The following USH1C variants were observed in gnomAD, a reference collection of about 807,000 sequenced individuals.
USH1C encodes the protein harmonin.
Under a neutral mutation model 119.3 loss-of-function variants are expected in USH1C, and 90 were observed. The ratio of observed to expected loss-of-function variants is 0.75; its 90% CI spans 0.64 to 0.90. The LOEUF is 0.90. Among genes scored for constraint, USH1C ranks in the 40% least tolerant of loss-of-function variants. The probability of loss-of-function intolerance (pLI) is 0.00; values close to 1 mark genes in which losing one functional copy is unlikely to be tolerated. For missense variants in USH1C, 1,165 were observed against 1,167.7 expected, an observed-to-expected ratio of 1.00 and a Z score of 0.03; for synonymous variants, 465 against 443.3, an observed-to-expected ratio of 1.05 and a Z score of -0.62.
Position 17,524,449 on chromosome 11 carries a change from A to T in USH1C, c.759+2T>A. 2 of 1,569,288 alleles carry T rather than the reference A, an allele frequency of 1.3e-6. No individual in the cohort carries two copies. Among genetic ancestry groups the T allele is most frequent in the Non-Finnish European group, 1.7e-6 (2 of 1,155,872 alleles). On this transcript the variant is annotated splice_donor_variant, in intron 9 of 26. Coordinates refer to ENST00000005226, the MANE Select transcript of USH1C (RefSeq NM_153676.4). LOFTEE classifies it high-confidence loss of function. The stretch of plus-strand genomic sequence containing the variant: ...CACTGGGGCCGGCCCAGCGTCACTC[A>T]CCTCCAATCCCACCTCAGCAGACAG...
intron 20 of USH1C, 112 bp from the exon 21 acceptor site, chr11:17,502,092 G>T (rs551086775): frequency 9.1e-7 from 1 of 1,104,590 alleles, no homozygotes; most frequent in Non-Finnish European, 1.3e-6. Flanking sequence ...GAGGGGTAGG[G>T]CGGGAGAAGG....
In USH1C at chr11:17,526,770, A is replaced by C. The variant is rs750134316; in HGVS notation, c.562T>G (p.Phe188Val). ...GCCCTTACCCCAGATTCCGACACAA[A>C]CTGATCCACATACTGCCAAGTGAGG... ...EPLTWQYVDQ[F>V]VSESGGVRGS... is the part of the protein sequence containing the mutation. The change falls in exon 7 of 27, where the codon TTT (phenylalanine) becomes GTT (valine). Residue 188 changes from phenylalanine to valine, a missense_variant. By Grantham distance (50) the Phe-to-Val change is conservative. Coordinates refer to ENST00000005226, the MANE Select transcript of USH1C (RefSeq NM_153676.4). 6.2e-7 allele frequency: 1 copy of C among 1,614,076 alleles called. No individual in the cohort carries two copies. The highest frequency in any genetic ancestry group is 1.1e-5 in the South Asian group (1 of 91,058).
At chr11:17,507,585 G>C (rs1849700427) in intron 18 of USH1C, among the ~76,000 whole-genome samples, 1 of 152,196 alleles carries the variant, frequency 6.6e-6, no homozygotes, top group Non-Finnish European at 1.5e-5. Flanking sequence ...TGCCACTCTT[G>C]CCATTCTTAA....
At chr11:17,512,654 T>C (rs994641788) in intron 15 of USH1C, among the ~76,000 whole-genome samples, 5 of 152,134 alleles carry the variant, frequency 3.3e-5, no homozygotes, top group Non-Finnish European at 5.9e-5. Flanking sequence ...CACTGAGACC[T>C]GGGGGCTCAG....
chr11:17,533,197 G>A (rs975261053), intron 2 of USH1C, 58 bp downstream of exon 2: 2 of 1,365,814 alleles, frequency 1.5e-6, no homozygotes, highest in Admixed American at 1.7e-5. Context: ...CCATCCCAGG[G>A]CTCCCTGAAG....
At chr11:17,522,582 G>T (rs1199509904) in intron 12 of USH1C, among the ~76,000 whole-genome samples, 1 of 152,192 alleles carries the variant, frequency 6.6e-6, no homozygotes, top group East Asian at 1.9e-4. Flanking sequence ...AGGGGGCTCT[G>T]CTCAGCAAGG....
At chr11:17,540,119 G>A (rs185019086) in intron 1 of USH1C, among the ~76,000 whole-genome samples, 8 of 152,114 alleles carry the variant, frequency 5.3e-5, no homozygotes, top group South Asian at 2.1e-4. Flanking sequence ...GGCGTGAGCC[G>A]CCACACCTGA....
intron 20 of USH1C, 149 bp downstream of exon 20, chr11:17,504,496 CAA>C (rs1407398785): frequency 6.0e-6 from 5 of 832,840 alleles, no homozygotes; most frequent in Non-Finnish European, 1.0e-5. Context: ...CCTGCGCAGG[CAA>C]TGGAGGACAC....
intron 20 of USH1C, 48 bp from the exon 21 acceptor site, chr11:17,502,028 G>A: frequency 6.3e-7 from 1 of 1,599,244 alleles, no homozygotes; most frequent in South Asian, 1.1e-5. Flanking sequence ...AGGGTCTTGA[G>A]GGTCAGAGCC....
Position 17,509,484 on chromosome 11 carries a change from C to T in USH1C, c.1885G>A (p.Ala629Thr). ...TRPLPSALEE[A>T]LSNHPFRTGD... ...GTGCGGAAGGGATGGTTGCTCAGTG[C>T]TTCTTCCAGCGCCGAGGGCAGTGGG... The change falls in exon 18 of 27, where the codon GCA (alanine) becomes ACA (threonine). Residue 629 changes from alanine to threonine, a missense_variant. Ala to Thr is a moderately conservative substitution (Grantham distance 58). Coordinates refer to ENST00000005226, the MANE Select transcript of USH1C (RefSeq NM_153676.4). The T allele has an allele frequency of 6.4e-7, 1 of 1,558,650 alleles. No homozygotes were observed. The highest frequency in any genetic ancestry group is 8.7e-7 in the Non-Finnish European group (1 of 1,149,196).
At chr11:17,517,318 C>G in intron 14 of USH1C, 1 of 1,400,558 alleles carries the variant, frequency 7.1e-7, no homozygotes, top group East Asian at 2.5e-5. Context: ...GCCCCTGAAG[C>G]TGGGTGTCTG....
chr11:17,543,679 G>A (rs1851569318), intron 1 of USH1C, among the ~76,000 whole-genome samples: 1 of 152,190 alleles, frequency 6.6e-6, no homozygotes, highest in African/African-American at 2.4e-5. Flanking sequence ...GCCGGCCAGA[G>A]CCCAGCTCCG....
At position 17,527,060 on chromosome 11, in the gene USH1C, G is replaced by A. The variant is rs916763747; in HGVS notation, c.497-20C>T. The A allele has an allele frequency of 6.5e-7, 1 of 1,527,810 alleles. No individual in the cohort carries two copies. Among genetic ancestry groups the A allele is most frequent in the South Asian group, 1.2e-5 (1 of 83,198 alleles). 94.6% of individuals were successfully genotyped at this position (1,527,810 alleles called of 1,614,324 possible). On this transcript the variant is annotated intron_variant, in intron 5 of 26. Transcript: ENST00000005226. ...CGATGTCTGCGGGAGAAAGGCACAG[G>A]GGTTAGGACAGCTCCCCCGCCCTCC...
chr11:17,513,346 C>G (rs932193628), intron 15 of USH1C, among the ~76,000 whole-genome samples: 1 of 152,138 alleles, frequency 6.6e-6, no homozygotes, highest in Admixed American at 6.5e-5. Flanking sequence ...ACCCCCGCCC[C>G]CAACAAGCCT....
intron 1 of USH1C, chr11:17,533,925 C>T: frequency 3.2e-6 from 1 of 314,478 alleles, no homozygotes; most frequent in Non-Finnish European, 6.5e-6. Context: ...CCTCCCCAGG[C>T]CCCTGCACAA....
At chr11:17,532,113 C>T (rs1250134783) in intron 2 of USH1C, among the ~76,000 whole-genome samples, 2 of 152,166 alleles carry the variant, frequency 1.3e-5, no homozygotes, top group African/African-American at 4.8e-5. Context: ...CCCTCCATGA[C>T]CTGTCCCCAT....
intron 18 of USH1C, among the ~76,000 whole-genome samples, chr11:17,507,019 T>C (rs539389554): frequency 6.6e-6 from 1 of 152,330 alleles, no homozygotes; most frequent in Admixed American, 6.5e-5. Flanking sequence ...TGTGGATAGA[T>C]CTGGCCCTGA....
intron 4 of USH1C, 67 bp from the exon 5 acceptor site, chr11:17,527,398 AC>A: frequency 1.6e-6 from 2 of 1,236,518 alleles, no homozygotes; most frequent in Non-Finnish European, 2.4e-6. Flanking sequence ...CAGACTCACC[AC>A]CAGATGCTCC....
Position 17,524,435 on chromosome 11 carries a change from G to A in USH1C, c.759+16C>T, listed in dbSNP as rs1159561907. The A allele has an allele frequency of 1.3e-6, 2 of 1,564,154 alleles. No homozygotes were observed. The highest frequency in any genetic ancestry group is 4.8e-5 in the East Asian group (2 of 41,838). On this transcript the variant is annotated intron_variant, in intron 9 of 26. Transcript: ENST00000005226. The stretch of plus-strand genomic sequence containing the variant: ...TTCCAGTGGGCCCCCACTGGGGCCG[G>A]CCCAGCGTCACTCACCTCCAATCCC...
Sources: gnomAD v4.1 joint callset for allele counts (sites outside exome capture counted in the v4.1 genomes callset) on GRCh38, gnomAD v4.1.1 for gene constraint, MANE v1.5 for transcripts, NCBI Gene and HGNC (gene_info 2026-07-23, HGNC 2026-07-21) for gene names.